C12orf42: variants seen among roughly 807,000 people sequenced by gnomAD.
C12orf42 encodes chromosome 12 open reading frame 42, also known as uncharacterized protein C12orf42.
In C12orf42, 25 loss-of-function variants were observed where a neutral mutation model predicts 21.6. The observed-to-expected ratio is 1.16, with a 90% CI of 0.84 to 1.62. The LOEUF is 1.62. C12orf42 is among the 40% of genes most tolerant of loss of function. C12orf42 has a pLI of 0.00. For synonymous variants in C12orf42, 174 were observed against 175.0 expected (o/e 0.99, Z 0.05); for missense variants, 483 against 459.3 (o/e 1.05, Z -0.47).
At chr12:103,363,303 T>A (rs757913513) in intron 4 of C12orf42, among the ~76,000 whole-genome samples, 1 of 152,104 alleles carries the variant, frequency 6.6e-6, no homozygotes, top group Non-Finnish European at 1.5e-5. Flanking sequence ...AATGCTGAAG[T>A]AATTTGCCAC....
chr12:103,064,553 A>G, the C12orf42 span, among the ~76,000 whole-genome samples: 2 of 152,240 alleles, frequency 1.3e-5, no homozygotes, highest in African/African-American at 4.8e-5. Context: ...GAATTATAAA[A>G]ACAGAAAATC....
At chr12:103,480,752 A>G (rs1036193880) in intron 1 of C12orf42, among the ~76,000 whole-genome samples, 2 of 151,600 alleles carry the variant, frequency 1.3e-5, no homozygotes, top group Non-Finnish European at 3.0e-5. Context: ...TTTTGATTCA[A>G]AAATAAGATT....
chr12:103,502,612 G>A, the C12orf42 span, among the ~76,000 whole-genome samples: 1 of 152,140 alleles, frequency 6.6e-6, no homozygotes, highest in Admixed American at 6.6e-5. Flanking sequence ...CACATCCTCA[G>A]AGAAGCCTTT....
At chr12:103,535,747 G>T in the C12orf42 span, among the ~76,000 whole-genome samples, 1 of 152,120 alleles carries the variant, frequency 6.6e-6, no homozygotes, top group Non-Finnish European at 1.5e-5. Flanking sequence ...AAATAGCAGT[G>T]GGAATGGAGG....
the C12orf42 span, chr12:103,505,038 G>GCGCT: frequency 3.7e-6 from 1 of 271,470 alleles, no homozygotes; most frequent in South Asian, 4.5e-5. Flanking sequence ...GGAAGCTAGC[G>GCGCT]GATGGAGTGG....
the C12orf42 span, chr12:103,155,146 G>A: frequency 6.6e-6 from 1 of 152,148 alleles, no homozygotes; most frequent in Non-Finnish European, 1.5e-5. Flanking sequence ...CCCTTTCTTA[G>A]TTTAGGCCCT....
At chr12:103,366,784 C>T (rs2044644181) in intron 4 of C12orf42, among the ~76,000 whole-genome samples, 1 of 151,680 alleles carries the variant, frequency 6.6e-6, no homozygotes, top group Admixed American at 6.6e-5. Context: ...ATAAGAATGG[C>T]CATAATCAAA....
At chr12:103,410,339 A>T (rs7302890) in intron 2 of C12orf42, among the ~76,000 whole-genome samples, 96,051 of 152,058 alleles carry the variant, frequency 0.63, 31,138 homozygotes, top group Admixed American at 0.73. Flanking sequence ...TCAGTAATCC[A>T]TTTAATCTCT....
At chr12:103,531,476 A>T in the C12orf42 span, among the ~76,000 whole-genome samples, 1 of 152,258 alleles carries the variant, frequency 6.6e-6, no homozygotes, top group African/African-American at 2.4e-5. Context: ...TCCCTTGAAT[A>T]CAGTTTTTCT....
the C12orf42 span, among the ~76,000 whole-genome samples, chr12:103,094,467 C>T: frequency 6.6e-6 from 1 of 152,188 alleles, no homozygotes; most frequent in South Asian, 2.1e-4. Flanking sequence ...CTAGGTATTT[C>T]TAGGTATTCA....
the C12orf42 span, among the ~76,000 whole-genome samples, chr12:103,147,625 T>TC: frequency 7.4e-6 from 1 of 134,810 alleles, no homozygotes; most frequent in African/African-American, 2.7e-5. Context: ...CTCTCTCTCT[T>TC]TTTTTTTTTT....
At chr12:103,367,387 C>A (rs1404110484) in intron 4 of C12orf42, among the ~76,000 whole-genome samples, 3 of 150,946 alleles carry the variant, frequency 2.0e-5, no homozygotes, top group African/African-American at 7.3e-5. Flanking sequence ...CACAAATCAC[C>A]ACTAAAGAAC....
the C12orf42 span, among the ~76,000 whole-genome samples, chr12:103,059,850 T>C: frequency 6.6e-6 from 1 of 152,148 alleles, no homozygotes; most frequent in Non-Finnish European, 1.5e-5. Context: ...AAGAACTATT[T>C]GTGACAAACC....
At chr12:103,191,167 T>A in the C12orf42 span, among the ~76,000 whole-genome samples, 1 of 152,070 alleles carries the variant, frequency 6.6e-6, no homozygotes, top group Non-Finnish European at 1.5e-5. Flanking sequence ...CCAAGAAAAC[T>A]GTTTTCTAAA....
intron 3 of C12orf42, among the ~76,000 whole-genome samples, chr12:103,387,123 T>C (rs536156877): frequency 9.9e-5 from 15 of 152,242 alleles, no homozygotes; most frequent in Non-Finnish European, 2.1e-4. Context: ...TGAATTGTCC[T>C]AAGTAAATAT....
chr12:103,555,723 C>T, the C12orf42 span, among the ~76,000 whole-genome samples: 1 of 152,106 alleles, frequency 6.6e-6, no homozygotes, highest in Non-Finnish European at 1.5e-5. Context: ...CACATGGAGG[C>T]TTAAGAAGCC....
At chr12:103,262,488 T>C (rs1469633398) in intron 10 of C12orf42, 1 of 152,236 alleles carries the variant, frequency 6.6e-6, no homozygotes, top group African/African-American at 2.4e-5. Flanking sequence ...AGCAAACACA[T>C]TTATAACTCT....
the C12orf42 span, among the ~76,000 whole-genome samples, chr12:103,503,117 A>G: frequency 1.2e-4 from 19 of 152,232 alleles, no homozygotes; most frequent in Non-Finnish European, 2.2e-4. Flanking sequence ...CTAAGTGAAG[A>G]ATGGACAGCT....
intron 4 of C12orf42, among the ~76,000 whole-genome samples, chr12:103,340,827 C>T (rs2042091006): frequency 6.6e-6 from 1 of 152,122 alleles, no homozygotes; most frequent in South Asian, 2.1e-4. Context: ...GAAGACACAG[C>T]AATAGGCTGG....
Sources: gnomAD v4.1 joint callset for allele counts (sites outside exome capture counted in the v4.1 genomes callset) on GRCh38, gnomAD v4.1.1 for gene constraint, MANE v1.5 for transcripts, NCBI Gene and HGNC (gene_info 2026-07-23, HGNC 2026-07-21) for gene names.